NRG1: variants seen among roughly 807,000 people sequenced by gnomAD.
NRG1 encodes neuregulin 1.
In NRG1, 18 loss-of-function variants were observed where a neutral mutation model predicts 63.8. The ratio of observed to expected loss-of-function variants is 0.28; its 90% confidence interval spans 0.19 to 0.42. The LOEUF (loss-of-function observed/expected upper bound fraction) is 0.42. Ranked by LOEUF, NRG1 falls within the 10% of genes least tolerant of loss-of-function variation. The pLI, the probability that NRG1 is intolerant of heterozygous loss-of-function variation, is 1.00. For synonymous variants in NRG1, 302 were observed against 301.3 expected, an observed-to-expected ratio of 1.00 and a Z score of -0.02; for missense variants, 762 against 814.7, an observed-to-expected ratio of 0.94 and a Z score of 0.79.
In NRG1 at chr8:31,894,211, T is replaced by G. The variant is rs554942013; in HGVS notation, c.37+254780T>G. Among the ~76,000 whole-genome samples, 10 of 152,294 alleles carry G rather than the reference T, an allele frequency of 6.6e-5. No homozygotes were observed. The South Asian group carries it at 2.1e-3, about 32-fold the overall frequency. On this transcript the variant is annotated intron_variant, in intron 1 of 10. Coordinates refer to the NRG1 transcript ENST00000519301. ...ACAACAAAATGTTAAGGACTTGTTA[T>G]TTGCATCTACTATTTCAAGAATTCC...
At chr8:32,728,174 T>G (rs1822728119) in intron 6 of NRG1, 96 bp downstream of exon 6, 1 of 1,554,376 alleles carries the variant, frequency 6.4e-7, no homozygotes, top group African/African-American at 1.4e-5. Flanking sequence ...TTTCCAATTT[T>G]GTTGCATCAT....
chr8:32,202,708 C>A (rs1008298255), intron 1 of NRG1, among the ~76,000 whole-genome samples: 1 of 151,630 alleles, frequency 6.6e-6, no homozygotes, highest in East Asian at 2.0e-4. Context: ...TGTAGTTCAT[C>A]GGTCCCGTAG....
intron 1 of NRG1, among the ~76,000 whole-genome samples, chr8:32,235,002 T>C (rs1437887608): frequency 2.0e-5 from 3 of 152,008 alleles, no homozygotes; most frequent in South Asian, 2.1e-4. Flanking sequence ...TAGGTTCTAA[T>C]TGAGTATTTT....
At chr8:32,325,654 T>C (rs1388004405) in intron 1 of NRG1, among the ~76,000 whole-genome samples, 1 of 152,094 alleles carries the variant, frequency 6.6e-6, no homozygotes, top group Non-Finnish European at 1.5e-5. Flanking sequence ...GCTGGGAATA[T>C]AGGCATGTGC....
At chr8:31,837,948 C>T (rs1361185346) in intron 1 of NRG1, among the ~76,000 whole-genome samples, 1 of 152,002 alleles carries the variant, frequency 6.6e-6, no homozygotes, top group African/African-American at 2.4e-5. Flanking sequence ...CATGAGCATG[C>T]AGATGTCTCT....
chr8:32,723,821 A>G (rs1821353486), intron 5 of NRG1, among the ~76,000 whole-genome samples: 1 of 151,822 alleles, frequency 6.6e-6, no homozygotes, highest in Non-Finnish European at 1.5e-5. Context: ...TGAAAGGAAG[A>G]AAGAAGAAGG....
At position 31,640,014 on chromosome 8, in the gene NRG1, C is replaced by A. The variant is rs899338729; in HGVS notation, c.37+583C>A. On this transcript the variant is annotated intron_variant, in intron 1 of 10. Coordinates refer to the NRG1 transcript ENST00000519301. This position sits in a 1 kb window ranked among gnomAD's most constrained non-coding sequence, Gnocchi z 6.3. The stretch of plus-strand genomic sequence containing the variant: ...GATGGCGACGCGCCCCGCGCCGCTC[C>A]GGGCGTCCCGGCCCCCGGGCCCAGC... 1 of 1,130,726 alleles carries A rather than the reference C, an allele frequency of 8.8e-7. No individual in the cohort carries two copies. Among genetic ancestry groups the A allele is most frequent in the Non-Finnish European group, 1.1e-6 (1 of 925,148 alleles). 70.0% of individuals were successfully genotyped at this position (1,130,726 alleles called of 1,614,324 possible). A position where few individuals can be genotyped will look rare whatever the true frequency, so the allele number is the denominator to read the frequency against.
chr8:32,157,428 G>A (rs1269297321), intron 1 of NRG1, among the ~76,000 whole-genome samples: 6 of 148,472 alleles, frequency 4.0e-5, no homozygotes, highest in South Asian at 2.1e-4. Flanking sequence ...TTGGGAGGCC[G>A]AGGCGGGCGG....
intron 1 of NRG1, among the ~76,000 whole-genome samples, chr8:32,501,754 A>T (rs1379200273): frequency 6.6e-6 from 1 of 152,254 alleles, no homozygotes; most frequent in African/African-American, 2.4e-5. Context: ...AAGACATAAT[A>T]AGTGCAACAT....
chr8:32,703,420 GTT>G (rs68040856), intron 5 of NRG1, among the ~76,000 whole-genome samples: 102,131 of 127,192 alleles, frequency 0.8, 40,823 homozygotes, highest in Middle Eastern at 0.87. Flanking sequence ...CACTAATGAT[GTT>G]TTTTTTTTTT....
At chr8:32,054,607 C>T (rs1414003670) in intron 1 of NRG1, among the ~76,000 whole-genome samples, 7 of 152,106 alleles carry the variant, frequency 4.6e-5, no homozygotes, top group African/African-American at 1.7e-4. Flanking sequence ...TTGGAAGTTC[C>T]TTTCTGTTTG....
At chr8:31,665,435 A>G (rs2130962705) in intron 1 of NRG1, among the ~76,000 whole-genome samples, 1 of 152,328 alleles carries the variant, frequency 6.6e-6, no homozygotes, top group Non-Finnish European at 1.5e-5. Context: ...TTTGGGAAAA[A>G]ATGAGTGATG....
At chr8:32,325,337 T>C (rs1801865956) in intron 1 of NRG1, among the ~76,000 whole-genome samples, 1 of 152,246 alleles carries the variant, frequency 6.6e-6, no homozygotes, top group African/African-American at 2.4e-5. Context: ...GAGACTCTAG[T>C]ACTGAATCAG....
chr8:31,983,369 C>T (rs1262174388), intron 1 of NRG1, among the ~76,000 whole-genome samples: 6 of 151,966 alleles, frequency 3.9e-5, no homozygotes, highest in African/African-American at 1.5e-4. Flanking sequence ...AACCTCAGGT[C>T]AATTAACTTC....
chr8:32,268,246 A>G (rs1293291434), intron 1 of NRG1, among the ~76,000 whole-genome samples: 3 of 152,214 alleles, frequency 2.0e-5, no homozygotes, highest in Non-Finnish European at 2.9e-5. Context: ...TTACAGCTTT[A>G]TGAGATCCTA....
intron 1 of NRG1, among the ~76,000 whole-genome samples, chr8:32,446,619 C>T (rs1028557198): frequency 2.6e-5 from 4 of 151,602 alleles, no homozygotes; most frequent in Non-Finnish European, 5.9e-5. Flanking sequence ...TGTGCCCCTG[C>T]ACTCCAACCT....
At chr8:31,982,858 AAC>A (rs1809389276) in intron 1 of NRG1, among the ~76,000 whole-genome samples, 2 of 152,098 alleles carry the variant, frequency 1.3e-5, no homozygotes, top group Non-Finnish European at 2.9e-5. Context: ...AACTGTTAAT[AAC>A]AACATGCTTA....
rs545838945 is a variant in NRG1 at position 32,559,245 on chromosome 8, T to TAAAAAAAA, written c.100+10430_100+10437dup. On this transcript the variant is annotated intron_variant, in intron 1 of 11. Coordinates refer to ENST00000356819, the Ensembl canonical transcript of NRG1. Reference sequence around the variant, plus strand: ...TAGTATGTCATCTCACTCTAAAATGTAAAAAAAAAAAAAAAAAATCACTAC... The same window carrying TAAAAAAAA: ...TAGTATGTCATCTCACTCTAAAATGTAAAAAAAAAAAAAAAAAAAAAAAAAATCACTAC... Among the ~76,000 whole-genome samples the TAAAAAAAA allele has an allele frequency of 1.1e-4, 11 of 96,770 alleles. 3 individuals are homozygous for TAAAAAAAA. The East Asian group carries it at 2.2e-3, about 20-fold the overall frequency. 63.5% of individuals were successfully genotyped at this position (96,770 alleles called of 152,430 possible). A position where few individuals can be genotyped will look rare whatever the true frequency, so the allele number is the denominator to read the frequency against.
intron 1 of NRG1, among the ~76,000 whole-genome samples, chr8:32,447,897 G>T (rs1820473057): frequency 6.6e-6 from 1 of 151,154 alleles, no homozygotes; most frequent in African/African-American, 2.4e-5. Context: ...ATAACGGATT[G>T]CATGGTAAAA....
Sources: allele counts gnomAD v4.1 joint callset (sites outside exome capture counted in the v4.1 genomes callset), GRCh38; gene constraint gnomAD v4.1.1; non-coding constraint Gnocchi (gnomAD v3.1); transcripts MANE v1.5; gene names NCBI Gene and HGNC (gene_info 2026-07-23, HGNC 2026-07-21).